The following EFCAB8 variants were observed in gnomAD, a reference collection of about 807,000 sequenced individuals.
EFCAB8 encodes EF-hand calcium binding domain 8.
EFCAB8 carries 100 observed loss-of-function variants against 116.3 expected under a neutral mutation model. The ratio of observed to expected loss-of-function variants is 0.86; its 90% CI spans 0.73 to 1.02. The LOEUF (loss-of-function observed/expected upper bound fraction) is 1.02, where lower values mean the gene tolerates loss of function less well. EFCAB8 is among the 50% of genes least tolerant of loss of function. The pLI is 0.00. For missense variants in EFCAB8, 1,320 were observed against 1,416.9 expected (o/e 0.93, Z 1.10); for synonymous variants, 558 against 567.9 (o/e 0.98, Z 0.25).
chr20:32,910,738 C>CTTT (rs34185318), intron 15 of EFCAB8, among the ~76,000 whole-genome samples: 4,495 of 107,294 alleles, frequency 0.042, 358 homozygotes, highest in Non-Finnish European at 0.055. Context: ...TCACTTGCTA[C>CTTT]TTTTTTTTTT....
chr20:32,898,896 C>G (rs1986293129), intron 11 of EFCAB8, among the ~76,000 whole-genome samples: 1 of 152,166 alleles, frequency 6.6e-6, no homozygotes, highest in South Asian at 2.1e-4. Flanking sequence ...TTACTTTCTC[C>G]TCTGTGACCC....
At chr20:32,882,948 G>T (rs776030119) in intron 5 of EFCAB8, among the ~76,000 whole-genome samples, 1 of 152,040 alleles carries the variant, frequency 6.6e-6, no homozygotes, top group Admixed American at 6.6e-5. Context: ...GCCCGCCTCG[G>T]CCTCCCAAAG....
In EFCAB8 at chr20:32,930,477, C is replaced by T. The variant is rs1987854406; in HGVS notation, c.2492C>T (p.Ala831Val). 1 of 1,551,880 alleles carries T rather than the reference C, an allele frequency of 6.4e-7. No homozygotes were observed. Among genetic ancestry groups the T allele is most frequent in the African/African-American group, 1.4e-5 (1 of 73,070 alleles). The change falls in exon 21 of 27, where the codon GCC (alanine) becomes GTC (valine). Residue 831 changes from alanine to valine, a missense_variant. By Grantham distance (64) the Ala-to-Val change is moderately conservative (BLOSUM62 0). Transcript: ENST00000400522. ...AGCTGCATGGACGGCTACATCTACGCCTGGTCCCTCCATGAGAATGGAGGC... is the reference window on the plus strand; with the variant it reads ...AGCTGCATGGACGGCTACATCTACGTCTGGTCCCTCCATGAGAATGGAGGC... ...LSSCMDGYIY[A>V]WSLHENGGLL...
At position 32,917,150 on chromosome 20, in the gene EFCAB8, T is replaced by G. The variant is rs191301919; in HGVS notation, c.1857-151T>G. The G allele has an allele frequency of 5.5e-4, 345 of 629,628 alleles. 6 individuals carry two copies. The Admixed American group carries it at 9.8e-3, about 18-fold the overall frequency. The allele number at this position is 629,628 out of a possible 1,614,324, so 39.0% of individuals were successfully genotyped here. A position where few individuals can be genotyped will look rare whatever the true frequency, so the allele number is the denominator to read the frequency against. Reference sequence around the variant, plus strand: ...TGTAGTAAGCGCTTAGTAAATGAGGTCAATGGGACATGGCTTCAGCCCAGC... The same window carrying G: ...TGTAGTAAGCGCTTAGTAAATGAGGGCAATGGGACATGGCTTCAGCCCAGC... On this transcript the variant is annotated intron_variant, in intron 17 of 26. Transcript: ENST00000400522.
chr20:32,925,951 T>A (rs1987652666), intron 20 of EFCAB8, among the ~76,000 whole-genome samples: 1 of 152,118 alleles, frequency 6.6e-6, no homozygotes, highest in Admixed American at 6.6e-5. Flanking sequence ...GGAATAGTGT[T>A]GGTTACCTGT....
At chr20:32,919,026 C>T (rs1014844876) in intron 19 of EFCAB8, among the ~76,000 whole-genome samples, 1 of 152,200 alleles carries the variant, frequency 6.6e-6, no homozygotes, top group African/African-American at 2.4e-5. Flanking sequence ...TCCTCCTCCT[C>T]TGAGCCTCAT....
At chr20:32,949,053 A>G (rs955725835) in intron 23 of EFCAB8, among the ~76,000 whole-genome samples, 3 of 152,230 alleles carry the variant, frequency 2.0e-5, no homozygotes, top group Admixed American at 2.0e-4. Flanking sequence ...TTTTATTTGT[A>G]GTTGACTAAT....
intron 11 of EFCAB8, among the ~76,000 whole-genome samples, chr20:32,901,422 T>C (rs1986419592): frequency 6.6e-6 from 1 of 152,272 alleles, no homozygotes; most frequent in Non-Finnish European, 1.5e-5. Flanking sequence ...ATGAGGCCCA[T>C]GGGCTGTGAG....
intron 26 of EFCAB8, 87 bp downstream of exon 26, chr20:32,960,248 C>A (rs1251497660): frequency 8.2e-7 from 1 of 1,218,910 alleles, no homozygotes; most frequent in Non-Finnish European, 1.2e-6. Flanking sequence ...TGTGCCCACA[C>A]AGCCCTTCAG....
intron 2 of EFCAB8, among the ~76,000 whole-genome samples, chr20:32,866,706 C>G (rs1984421028): frequency 1.3e-5 from 2 of 151,990 alleles, no homozygotes; most frequent in South Asian, 2.1e-4. Flanking sequence ...GAAAATGGAG[C>G]TGGATTCCCT....
intron 22 of EFCAB8, among the ~76,000 whole-genome samples, chr20:32,936,748 G>T (rs780460306): frequency 5.9e-5 from 9 of 152,152 alleles, no homozygotes; most frequent in Non-Finnish European, 8.8e-5. Flanking sequence ...GGACTGTGAT[G>T]TCTTTAGCTT....
chr20:32,960,130 C>A lies in EFCAB8; in HGVS notation c.3362C>A (p.Thr1121Asn). ...TTGCAGAATACCAGGTTCCTGTCCA[C>A]CAGGGTGCCATATGGCTGGATGAAG... The part of the protein sequence containing the change: ...ERLQNTRFLS[T>N]RVPYGWMKHQ... Residue 1121 changes from threonine (T) to asparagine (N), a missense_variant, in exon 26 of 27, where the codon ACC (threonine) becomes AAC (asparagine). Thr to Asn is a moderately conservative substitution (Grantham distance 65, BLOSUM62 0). Coordinates refer to ENST00000400522, the MANE Select transcript of EFCAB8 (RefSeq NM_001143967.2). 6.4e-7 allele frequency: 1 copy of A among 1,551,710 alleles called. No homozygotes were observed. Among genetic ancestry groups the A allele is most frequent in the South Asian group, 1.2e-5 (1 of 84,066 alleles).
At position 32,885,508 on chromosome 20, in the gene EFCAB8, C is replaced by A; in HGVS notation, c.435C>A (p.Asn145Lys). The change falls in exon 6 of 27, where the codon AAC (asparagine) becomes AAA (lysine). Residue 145 changes from asparagine (N) to lysine (K), a missense_variant. Physicochemically the swap from Asn to Lys is moderately conservative, Grantham distance 94 (BLOSUM62 0). Transcript: ENST00000400522. The part of the protein sequence containing the change: ...FYLPMTVVPL[N>K]HGCEVVKVVF... ...TCTCTTTCATCGCCTCCCACAGGAA[C>A]CATGGCTGTGAGGTGGTGAAGGTGG... 1 of 1,551,760 alleles carries A rather than the reference C, an allele frequency of 6.4e-7. No homozygotes were observed. Among genetic ancestry groups the A allele is most frequent in the Non-Finnish European group, 8.7e-7 (1 of 1,147,000 alleles).
At position 32,960,170 on chromosome 20, in the gene EFCAB8, G is replaced by A. The variant is rs571377119; in HGVS notation, c.3393+9G>A. On this transcript the variant is annotated intron_variant, in intron 26 of 26. Transcript: ENST00000400522. ...GCTGGATGAAGCATCAGGTAAGGTG[G>A]GATGGGGCAGCTCCCCAAGAGGCTG... 7 of 1,551,256 alleles carry A rather than the reference G, an allele frequency of 4.5e-6. No individual in the cohort carries two copies. Among genetic ancestry groups the A allele is most frequent in the African/African-American group, 1.4e-5 (1 of 73,164 alleles).
At chr20:32,900,864 G>A (rs1269033065) in intron 11 of EFCAB8, among the ~76,000 whole-genome samples, 4 of 151,686 alleles carry the variant, frequency 2.6e-5, no homozygotes, top group Non-Finnish European at 4.4e-5. Flanking sequence ...CACCATGCCC[G>A]GCTTAATTTT....
rs1450269173 is a variant in EFCAB8 at position 32,889,270 on chromosome 20, A to G, written c.568-31A>G. 3 of 1,546,668 alleles carry G rather than the reference A, an allele frequency of 1.9e-6. No individual in the cohort carries two copies. In the Admixed American group the frequency reaches 5.9e-5, roughly 30 times the overall value. The stretch of plus-strand genomic sequence containing the variant: ...CTGCACTGGCCTGAGTATGCGTCCC[A>G]GCCCATCTCCTCTGCTCTTCCTCTG... On this transcript the variant is annotated intron_variant, in intron 6 of 26. Transcript: ENST00000400522.
In EFCAB8 at chr20:32,889,355, T is replaced by C. The variant is rs568829627; in HGVS notation, c.622T>C (p.Cys208Arg). The C allele has an allele frequency of 4.7e-5, 73 of 1,551,878 alleles. No homozygotes were observed. The Admixed American group carries it at 1.4e-3, about 29-fold the overall frequency. ...NQPMWVIDMV[C>R]LHNMNLVAVA... Reference sequence around the variant, plus strand: ...GCCGATGTGGGTCATTGACATGGTATGTCTGCACAATATGAACCTCGTTGC... The same window carrying C: ...GCCGATGTGGGTCATTGACATGGTACGTCTGCACAATATGAACCTCGTTGC... Residue 208 changes from cysteine (C) to arginine (R), a missense_variant, in exon 7 of 27, where the codon TGT becomes CGT. Coordinates refer to ENST00000400522, the MANE Select transcript of EFCAB8 (RefSeq NM_001143967.2).
intron 6 of EFCAB8, among the ~76,000 whole-genome samples, chr20:32,885,939 C>T (rs771023727): frequency 6.6e-6 from 1 of 152,218 alleles, no homozygotes; most frequent in African/African-American, 2.4e-5. Context: ...CCTTCTCTTG[C>T]GTCCCCATCT....
chr20:32,923,748 G>T (rs550890272), intron 20 of EFCAB8, among the ~76,000 whole-genome samples: 1 of 152,102 alleles, frequency 6.6e-6, no homozygotes, highest in Admixed American at 6.5e-5. Context: ...CTCCTCACGG[G>T]CATCTCTTCA....
Sources: gnomAD v4.1 joint callset for allele counts (sites outside exome capture counted in the v4.1 genomes callset) on GRCh38, gnomAD v4.1.1 for gene constraint, MANE v1.5 for transcripts, NCBI Gene and HGNC (gene_info 2026-07-23, HGNC 2026-07-21) for gene names.